CASK: variants seen among roughly 807,000 people sequenced by gnomAD.
The protein encoded by CASK is calcium/calmodulin dependent serine protein kinase, also known as peripheral plasma membrane protein CASK.
A neutral mutation model predicts 82.9 loss-of-function variants in CASK; 4 were observed. The observed-to-expected ratio is 0.05, with a 90% CI of 0.02 to 0.11. The LOEUF is 0.11. CASK is among the 10% of genes least tolerant of loss of function. The pLI is 1.00. For synonymous variants in CASK, 259 were observed against 253.5 expected, an observed-to-expected ratio of 1.02 and a Z score of -0.20; for missense variants, 358 against 720.9, an observed-to-expected ratio of 0.50 and a Z score of 5.76.
intron 1 of CASK, among the ~76,000 whole-genome samples, chrX:41,877,525 C>T (rs1601932620): frequency 9.0e-6 from 1 of 111,403 alleles, no homozygotes; most frequent in Admixed American, 9.5e-5. Flanking sequence ...CTTAAGACCA[C>T]CAGAAAGATC....
chrX:41,911,424 C>A (rs1250635614), intron 1 of CASK, among the ~76,000 whole-genome samples: 2 of 112,310 alleles, frequency 1.8e-5, no homozygotes, highest in Admixed American at 1.9e-4. Context: ...TTACACCTGA[C>A]AATGTAATAA....
intron 3 of CASK, among the ~76,000 whole-genome samples, chrX:41,756,235 A>C (rs755167625): frequency 1.7e-4 from 19 of 112,253 alleles, no homozygotes; most frequent in Admixed American, 1.6e-3. Context: ...AGCACAGTAG[A>C]ACATAACAGA....
rs1230056738 is a variant in CASK at position 41,599,143 on chromosome X, A to G, written c.1156-9551T>C. 5.1e-4 allele frequency among the ~76,000 whole-genome samples: 57 copies of G among 111,816 alleles called. 3 individuals are homozygous for G. On this transcript the variant is annotated intron_variant, in intron 12 of 26. Coordinates refer to ENST00000378163, the MANE Select transcript of CASK (RefSeq NM_001367721.1). ...AATACCATGGCCCAGTTTGTACTAC[A>G]TAACTCAAGTTGAAGATGGACATGT...
In CASK at chrX:41,740,048, C is replaced by T. The variant is rs1009246084; in HGVS notation, c.357-592G>A. Among the ~76,000 whole-genome samples the T allele has an allele frequency of 6.2e-5, 7 of 112,225 alleles. No individual in the cohort carries two copies. The East Asian group carries it at 1.7e-3, about 27-fold the overall frequency. ...ATGTCCTAGAAAGCCTGACTCCTTACATGGCCAGCTGAGGAGCCCTCATGG... is the reference window on the plus strand; with the variant it reads ...ATGTCCTAGAAAGCCTGACTCCTTATATGGCCAGCTGAGGAGCCCTCATGG... On this transcript the variant is annotated intron_variant, in intron 4 of 26. Coordinates refer to ENST00000378163, the MANE Select transcript of CASK (RefSeq NM_001367721.1).
intron 16 of CASK, among the ~76,000 whole-genome samples, chrX:41,565,282 C>A (rs1344408987): frequency 9.0e-6 from 1 of 111,300 alleles, no homozygotes; most frequent in Non-Finnish European, 1.9e-5. Context: ...TTCAAAATAT[C>A]AATGAATCCA....
intron 6 of CASK, among the ~76,000 whole-genome samples, chrX:41,668,957 G>A (rs1275707277): frequency 9.0e-6 from 1 of 110,639 alleles, no homozygotes; most frequent in Admixed American, 9.6e-5. Flanking sequence ...TTGAACTCCT[G>A]GGCTCAATCT....
chrX:41,643,806 CTA>C (rs2066705752), intron 8 of CASK, among the ~76,000 whole-genome samples: 2 of 111,863 alleles, frequency 1.8e-5, no homozygotes, highest in South Asian at 7.4e-4. Context: ...ACTTCCAACA[CTA>C]TGTTGAATAG....
intron 15 of CASK, among the ~76,000 whole-genome samples, chrX:41,574,708 C>T (rs1388918452): frequency 8.9e-6 from 1 of 111,895 alleles, no homozygotes; most frequent in African/African-American, 3.2e-5. Flanking sequence ...GAATGGAGCC[C>T]GGAAATCTGT....
intron 2 of CASK, among the ~76,000 whole-genome samples, chrX:41,833,107 G>A (rs777400881): frequency 4.5e-5 from 5 of 112,007 alleles, no homozygotes; most frequent in South Asian, 3.7e-4. Context: ...CTGTCTGTGC[G>A]TGACGCCAAG....
intron 3 of CASK, among the ~76,000 whole-genome samples, chrX:41,769,192 CTTTTTCTTTTTT>C (rs1445639130): frequency 9.8e-6 from 1 of 101,918 alleles, no homozygotes; most frequent in African/African-American, 3.5e-5. Context: ...TTTTCTTTTT[CTTTTTCTTTTTT>C]TTTTTTTTTG....
intron 1 of CASK, among the ~76,000 whole-genome samples, chrX:41,873,742 T>C (rs1018248379): frequency 9.1e-6 from 1 of 110,084 alleles, no homozygotes; most frequent in African/African-American, 3.3e-5. Flanking sequence ...CTTAATGAGA[T>C]TGTATTAGGT....
intron 16 of CASK, among the ~76,000 whole-genome samples, chrX:41,563,356 C>CAAAAAAAAAAAAAAA (rs746081703): frequency 6.6e-5 from 1 of 15,148 alleles, no homozygotes; most frequent in African/African-American, 2.8e-4. Context: ...GACCCTGTCT[C>CAAAAAAAAAAAAAAA]AAAAAAAAAA....
intron 4 of CASK, among the ~76,000 whole-genome samples, chrX:41,740,986 G>A (rs1428288085): frequency 1.8e-5 from 2 of 111,652 alleles, no homozygotes; most frequent in East Asian, 2.8e-4. Flanking sequence ...GGGTTCAAGC[G>A]ATTTTCCCGC....
At chrX:41,733,383 A>T (rs1004520495) in intron 5 of CASK, among the ~76,000 whole-genome samples, 4 of 111,202 alleles carry the variant, frequency 3.6e-5, no homozygotes, top group Non-Finnish European at 7.5e-5. Flanking sequence ...GCCACATTAA[A>T]ACTGAACGTG....
At chrX:41,713,136 C>A (rs939658882) in intron 5 of CASK, among the ~76,000 whole-genome samples, 1 of 112,063 alleles carries the variant, frequency 8.9e-6, no homozygotes, top group Non-Finnish European at 1.9e-5. Context: ...CAAGATGAAC[C>A]CACTGGACAG....
intron 1 of CASK, among the ~76,000 whole-genome samples, chrX:41,869,867 C>T (rs1397434646): frequency 1.2e-5 from 1 of 84,376 alleles, no homozygotes; most frequent in Non-Finnish European, 2.4e-5. Context: ...GGATGGGTTT[C>T]AGAGGAACTG....
At chrX:41,689,522 A>G (rs1243125023) in intron 5 of CASK, among the ~76,000 whole-genome samples, 1 of 111,421 alleles carries the variant, frequency 9.0e-6, no homozygotes, top group Non-Finnish European at 1.9e-5. Flanking sequence ...TATTATTACT[A>G]TTTTATAGTA....
chrX:41,671,379 C>T (rs372833626), intron 6 of CASK, 49 bp downstream of exon 6: 32 of 764,381 alleles, frequency 4.2e-5, no homozygotes, highest in East Asian at 3.8e-4. Flanking sequence ...TTATACCAGT[C>T]GCAAGTGACC....
At chrX:41,580,432 C>T (rs1021273471) in intron 14 of CASK, among the ~76,000 whole-genome samples, 2 of 111,189 alleles carry the variant, frequency 1.8e-5, no homozygotes, top group Non-Finnish European at 3.8e-5. Flanking sequence ...TCACTCACCC[C>T]GGCCTCCCAA....
Sources: gnomAD v4.1 joint callset for allele counts (sites outside exome capture counted in the v4.1 genomes callset) on GRCh38, gnomAD v4.1.1 for gene constraint, MANE v1.5 for transcripts, NCBI Gene and HGNC (gene_info 2026-07-23, HGNC 2026-07-21) for gene names.